Variants in OGFOD1 observed in about 807,000 individuals in gnomAD.
OGFOD1 encodes the protein 2-oxoglutarate and iron dependent oxygenase domain containing 1.
In OGFOD1, 54 loss-of-function variants were observed where a neutral mutation model predicts 67.7. The ratio of observed to expected loss-of-function variants is 0.80; its 90% CI spans 0.64 to 1.00. The LOEUF (loss-of-function observed/expected upper bound fraction) is 1.00, where lower values mean the gene tolerates loss of function less well. OGFOD1 is among the 50% of genes least tolerant of loss of function. The pLI is 0.00. For synonymous variants in OGFOD1, 221 were observed against 227.0 expected (o/e 0.97, Z 0.24); for missense variants, 606 against 646.7 (o/e 0.94, Z 0.68).
rs763583244 is a variant in OGFOD1, at chr16:56,476,131, C to T, written c.1555C>T (p.Arg519Ter). 12 of 1,613,854 alleles carry T rather than the reference C, an allele frequency of 7.4e-6. No homozygotes were observed. The highest frequency in any genetic ancestry group is 1.7e-5 in the Admixed American group (1 of 60,012). Residue 519 changes from arginine to a stop codon, truncating the protein, a stop_gained, in exon 13 of 13, where the codon CGA (arginine) becomes TGA (stop). Transcript: ENST00000566157. LOFTEE classifies it high-confidence loss of function. ...TLKFVKHINH[R>*]SLEQKKTFPN... ...GAAATTTGTCAAGCATATTAACCAC[C>T]GAAGCCTGGAACAAAAGAAAACCTT...
At chr16:56,466,844 A>T in intron 5 of OGFOD1, 32 bp from the exon 6 acceptor site, 1 of 1,507,724 alleles carries the variant, frequency 6.6e-7, no homozygotes, top group Admixed American at 1.7e-5. Flanking sequence ...GTGGTTAATG[A>T]TAATTTATTG....
At chr16:56,472,314 G>T (rs1321999716) in intron 10 of OGFOD1, among the ~76,000 whole-genome samples, 1 of 152,050 alleles carries the variant, frequency 6.6e-6, no homozygotes, top group Non-Finnish European at 1.5e-5. Flanking sequence ...ATTTTTACGG[G>T]AACCTGCAAC....
At chr16:56,474,679 G>A (rs1046464646) in intron 10 of OGFOD1, 149 bp from the exon 11 acceptor site, 10 of 611,768 alleles carry the variant, frequency 1.6e-5, no homozygotes, top group Non-Finnish European at 2.7e-5. Context: ...CTTTTATAAG[G>A]CTGGATTGGT....
chr16:56,475,687 G>C (rs1963438231), intron 12 of OGFOD1, 122 bp downstream of exon 12: 2 of 779,044 alleles, frequency 2.6e-6, no homozygotes, highest in Admixed American at 2.4e-5. Context: ...GCCAGGCAAT[G>C]GTTCTAATTT....
chr16:56,453,202 T>G (rs1962400906), intron 1 of OGFOD1, 61 bp from the exon 2 acceptor site: 1 of 1,537,736 alleles, frequency 6.5e-7, no homozygotes, highest in Non-Finnish European at 8.8e-7. Flanking sequence ...CTCTGCTATG[T>G]TACTTGGATG....
chr16:56,458,714 T>TAG, intron 3 of OGFOD1, 120 bp downstream of exon 3: 1 of 831,976 alleles, frequency 1.2e-6, no homozygotes, highest in African/African-American at 1.7e-5. Flanking sequence ...ACCCACTTTG[T>TAG]AGAGGAGGAA....
At chr16:56,471,104 C>T (rs1333143345) in intron 10 of OGFOD1, among the ~76,000 whole-genome samples, 4 of 151,902 alleles carry the variant, frequency 2.6e-5, no homozygotes, top group African/African-American at 9.7e-5. Flanking sequence ...ATAATCCCAG[C>T]ACTTTTGGAG....
rs1963559727 is a variant in OGFOD1 at position 56,478,186 on chromosome 16, TCTCA to T, written c.*1985_*1988del. The stretch of plus-strand genomic sequence containing the variant: ...AATTTTTTTTGCGTTTGAGATGGAG[TCTCA>T]CTCTGTGGCCCAGGCTGGAGTACAG... On this transcript the variant is annotated 3_prime_UTR_variant, in exon 13 of 13. Coordinates refer to ENST00000566157, the MANE Select transcript of OGFOD1 (RefSeq NM_018233.4). The T allele has an allele frequency of 6.6e-6, 1 of 151,836 alleles. No individual in the cohort carries two copies. Among genetic ancestry groups the T allele is most frequent in the South Asian group, 2.1e-4 (1 of 4,818 alleles). 9.4% of individuals were successfully genotyped at this position (151,836 alleles called of 1,614,324 possible). A position where few individuals can be genotyped will look rare whatever the true frequency, so the allele number is the denominator to read the frequency against.
intron 9 of OGFOD1, 166 bp from the exon 10 acceptor site, chr16:56,470,321 T>C (rs1596983271): frequency 1.4e-6 from 1 of 700,094 alleles, no homozygotes; most frequent in South Asian, 1.9e-5. Flanking sequence ...AGTAGCAGGA[T>C]GTCCTAACAA....
At chr16:56,459,847 T>TA (rs1962651705) in intron 3 of OGFOD1, among the ~76,000 whole-genome samples, 1 of 152,216 alleles carries the variant, frequency 6.6e-6, no homozygotes, top group African/African-American at 2.4e-5. Context: ...TTTGGAAAAA[T>TA]AGAGTATTTA....
At position 56,467,295 on chromosome 16, in the gene OGFOD1, T is replaced by C. The variant is rs767600286; in HGVS notation, c.786+2T>C. ...CGGAGCCCTCACATCCCACAAGATG[T>C]AAGAAGAATTGCTGATATCCTTATC... On this transcript the variant is annotated splice_donor_variant, in intron 7 of 12. Coordinates refer to ENST00000566157, the MANE Select transcript of OGFOD1 (RefSeq NM_018233.4). LOFTEE classifies it high-confidence loss of function. 1.2e-6 allele frequency: 2 copies of C among 1,614,140 alleles called. No homozygotes were observed. Among genetic ancestry groups the C allele is most frequent in the South Asian group, 2.2e-5 (2 of 91,062 alleles).
chr16:56,474,780 C>G (rs1202938465), intron 10 of OGFOD1, 48 bp from the exon 11 acceptor site: 3 of 1,519,780 alleles, frequency 2.0e-6, no homozygotes, highest in Admixed American at 3.8e-5. Context: ...TCCAACAGTT[C>G]TATCAAGGTT....
At chr16:56,455,168 C>A (rs1249748477) in intron 2 of OGFOD1, among the ~76,000 whole-genome samples, 1 of 152,082 alleles carries the variant, frequency 6.6e-6, no homozygotes, top group Non-Finnish European at 1.5e-5. Context: ...GAGATGGAGA[C>A]CATCCTGGCT....
intron 10 of OGFOD1, among the ~76,000 whole-genome samples, chr16:56,472,613 C>A (rs374184235): frequency 6.6e-6 from 1 of 151,864 alleles, no homozygotes; most frequent in African/African-American, 2.4e-5. Flanking sequence ...AATAAAAATA[C>A]GTCAATTTCA....
chr16:56,476,763 GAC>G lies in OGFOD1; in HGVS notation c.*559_*560del, dbSNP rs1963496970. On this transcript the variant is annotated 3_prime_UTR_variant, in exon 13 of 13. Transcript: ENST00000566157. ...AATCATACAGTATTTGTCCTTTTGT[GAC>G]TGGTTTCACTTAGCATAAAGTCTTT... 1 of 151,494 alleles carries G rather than the reference GAC, an allele frequency of 6.6e-6. No individual in the cohort carries two copies. The highest frequency in any genetic ancestry group is 2.5e-5 in the African/African-American group (1 of 40,738). 9.4% of individuals were successfully genotyped at this position (151,494 alleles called of 1,614,324 possible).
rs1236569024 is a variant in OGFOD1 at position 56,470,304 on chromosome 16, G to A, written c.981-183G>A. On this transcript the variant is annotated intron_variant, in intron 9 of 12. Transcript: ENST00000566157. ...GCCCTAATGATGTTTTGTTCTCAGG[G>A]ACATCCAGTAGCAGGATGTCCTAAC... The A allele has an allele frequency of 1.3e-5, 9 of 669,446 alleles. 1 individual carries two copies. The highest frequency in any genetic ancestry group is 9.8e-5 in the South Asian group (5 of 50,822). The allele number at this position is 669,446 out of a possible 1,614,324, so 41.5% of individuals were successfully genotyped here.
At chr16:56,475,167 C>A (rs1373775174) in intron 11 of OGFOD1, among the ~76,000 whole-genome samples, 3 of 152,146 alleles carry the variant, frequency 2.0e-5, no homozygotes, top group African/African-American at 7.2e-5. Context: ...GGGAGATGGA[C>A]CACACCATAA....
chr16:56,465,978 CTT>C (rs200302325), intron 4 of OGFOD1, 172 bp from the exon 5 acceptor site: 26,064 of 542,494 alleles, frequency 0.048, 961 homozygotes, highest in East Asian at 0.12. Flanking sequence ...TCTATATTGA[CTT>C]ATTTGTTTAC....
intron 10 of OGFOD1, among the ~76,000 whole-genome samples, chr16:56,473,707 T>C (rs1040524226): frequency 6.6e-6 from 1 of 152,352 alleles, no homozygotes; most frequent in South Asian, 2.1e-4. Flanking sequence ...TACTTGATTT[T>C]TTTTTTTCAT....
Sources: gnomAD v4.1 joint callset for allele counts (sites outside exome capture counted in the v4.1 genomes callset) on GRCh38, gnomAD v4.1.1 for gene constraint, MANE v1.5 for transcripts, NCBI Gene and HGNC (gene_info 2026-07-23, HGNC 2026-07-21) for gene names.